The following MDGA2 variants were observed in gnomAD, a reference collection of about 807,000 sequenced individuals.
The protein encoded by MDGA2 is MAM domain containing glycosylphosphatidylinositol anchor 2, also known as MAM domain-containing glycosylphosphatidylinositol anchor protein 2.
Under a neutral mutation model 117.8 loss-of-function variants are expected in MDGA2, and 40 were observed. The ratio of observed to expected loss-of-function variants is 0.34; its 90% CI spans 0.26 to 0.44. The LOEUF is 0.44. MDGA2 is among the 20% of genes least tolerant of loss of function. MDGA2 has a pLI of 1.00. For missense variants in MDGA2, 1,123 were observed against 1,250.6 expected (o/e 0.90, Z 1.54); for synonymous variants, 452 against 439.0 (o/e 1.03, Z -0.37).
intron 8 of MDGA2, among the ~76,000 whole-genome samples, chr14:46,986,788 G>A (rs1886875461): frequency 6.6e-6 from 1 of 152,078 alleles, no homozygotes; most frequent in Admixed American, 6.6e-5. Context: ...GAAGTCAGTA[G>A]AACTGAGTAA....
At chr14:47,000,310 C>T (rs1887456627) in intron 8 of MDGA2, among the ~76,000 whole-genome samples, 1 of 140,208 alleles carries the variant, frequency 7.1e-6, no homozygotes, top group South Asian at 2.2e-4. Context: ...AGGTTCCAGA[C>T]AGCTGTGAGT....
chr14:47,240,460 A>G (rs1176771376), intron 2 of MDGA2, among the ~76,000 whole-genome samples: 4 of 151,936 alleles, frequency 2.6e-5, no homozygotes, highest in Non-Finnish European at 5.9e-5. Flanking sequence ...AATAATAAAG[A>G]GTAACTAGTT....
chr14:47,612,193 T>C (rs1346062954), intron 1 of MDGA2, among the ~76,000 whole-genome samples: 2 of 145,054 alleles, frequency 1.4e-5, no homozygotes, highest in African/African-American at 2.6e-5. Flanking sequence ...TCAAATGTGA[T>C]AGATAGATAG....
chr14:47,594,658 G>A (rs1896502403), intron 1 of MDGA2, among the ~76,000 whole-genome samples: 1 of 152,188 alleles, frequency 6.6e-6, no homozygotes, highest in Non-Finnish European at 1.5e-5. Context: ...GTTACTTAAA[G>A]ACTCTTTAAC....
chr14:47,545,428 GA>G (rs1163181907), intron 1 of MDGA2, among the ~76,000 whole-genome samples: 1 of 152,130 alleles, frequency 6.6e-6, no homozygotes, highest in African/African-American at 2.4e-5. Flanking sequence ...AGATTAGAAA[GA>G]GGGGCAGGGA....
chr14:47,048,229 A>G (rs990569702), intron 7 of MDGA2, among the ~76,000 whole-genome samples: 1 of 152,076 alleles, frequency 6.6e-6, no homozygotes, highest in African/African-American at 2.4e-5. Flanking sequence ...AGTAAGTTAT[A>G]AGGAACTGTC....
At chr14:46,933,207 A>C (rs1015317348) in intron 9 of MDGA2, among the ~76,000 whole-genome samples, 13 of 152,052 alleles carry the variant, frequency 8.5e-5, no homozygotes, top group Non-Finnish European at 8.8e-5. Context: ...CACGTTCCAG[A>C]AAAGTTCATG....
At chr14:47,090,189 A>G (rs1879557442) in intron 6 of MDGA2, among the ~76,000 whole-genome samples, 1 of 152,162 alleles carries the variant, frequency 6.6e-6, no homozygotes, top group Non-Finnish European at 1.5e-5. Context: ...TTGATAAACT[A>G]GAATTAGTTA....
chr14:47,108,809 A>G (rs2139045188), intron 5 of MDGA2, among the ~76,000 whole-genome samples: 1 of 152,324 alleles, frequency 6.6e-6, no homozygotes, highest in Admixed American at 6.5e-5. Context: ...TAGAAAAGCT[A>G]GAGAAACAGA....
chr14:47,548,117 G>C (rs2138770647), intron 1 of MDGA2, among the ~76,000 whole-genome samples: 1 of 152,258 alleles, frequency 6.6e-6, no homozygotes, highest in East Asian at 1.9e-4. Flanking sequence ...TTACATGCAT[G>C]TGTAGAGTAA....
chr14:47,595,879 G>GT (rs1277339104), intron 1 of MDGA2, among the ~76,000 whole-genome samples: 1 of 152,142 alleles, frequency 6.6e-6, no homozygotes, highest in African/African-American at 2.4e-5. Context: ...AAGGTGTAAT[G>GT]TTTTTTCTAT....
At chr14:47,570,860 A>G (rs113706546) in intron 1 of MDGA2, among the ~76,000 whole-genome samples, 1 of 152,298 alleles carries the variant, frequency 6.6e-6, no homozygotes, top group Non-Finnish European at 1.5e-5. Flanking sequence ...AGACTTCATG[A>G]CTAAAATACA....
At chr14:47,203,467 G>GATTC in intron 3 of MDGA2, among the ~76,000 whole-genome samples, 1 of 152,090 alleles carries the variant, frequency 6.6e-6, no homozygotes, top group Non-Finnish European at 1.5e-5. Context: ...TAGGATCAAT[G>GATTC]ATTCCATCAG....
chr14:47,114,219 A>T (rs1232401456), intron 5 of MDGA2, among the ~76,000 whole-genome samples: 1 of 152,198 alleles, frequency 6.6e-6, no homozygotes, highest in African/African-American at 2.4e-5. Context: ...CTAACAAGGG[A>T]AGTTAACGAC....
At chr14:47,053,830 T>C (rs186156051) in intron 7 of MDGA2, among the ~76,000 whole-genome samples, 2 of 151,804 alleles carry the variant, frequency 1.3e-5, no homozygotes, top group Admixed American at 1.3e-4. Context: ...TTATTTCGCT[T>C]CTCTCTGCAG....
At chr14:47,194,037 A>G (rs1885203129) in intron 3 of MDGA2, among the ~76,000 whole-genome samples, 1 of 152,190 alleles carries the variant, frequency 6.6e-6, no homozygotes, top group Non-Finnish European at 1.5e-5. Context: ...ACTATAACTC[A>G]AAGAGGTGTT....
At chr14:47,452,974 G>T (rs1021886041) in intron 1 of MDGA2, among the ~76,000 whole-genome samples, 1 of 151,996 alleles carries the variant, frequency 6.6e-6, no homozygotes, top group Non-Finnish European at 1.5e-5. Context: ...CTGTTATATT[G>T]CTGGGAAATA....
intron 1 of MDGA2, among the ~76,000 whole-genome samples, chr14:47,405,949 T>C (rs1892251667): frequency 6.6e-6 from 1 of 152,128 alleles, no homozygotes; most frequent in Non-Finnish European, 1.5e-5. Flanking sequence ...TTAAGGATTA[T>C]TTGAGTTTAA....
At chr14:47,283,988 A>G (rs190987235) in intron 2 of MDGA2, among the ~76,000 whole-genome samples, 4 of 152,322 alleles carry the variant, frequency 2.6e-5, no homozygotes, top group Non-Finnish European at 5.9e-5. Flanking sequence ...GTAGAGTGGA[A>G]GCAGCTTGAA....
Sources: allele counts gnomAD v4.1 joint callset (sites outside exome capture counted in the v4.1 genomes callset), GRCh38; gene constraint gnomAD v4.1.1; transcripts MANE v1.5; gene names NCBI Gene and HGNC (gene_info 2026-07-23, HGNC 2026-07-21).